The following PRKCE variants were observed in gnomAD, a reference collection of about 807,000 sequenced individuals.
PRKCE encodes the protein protein kinase C epsilon type.
A neutral mutation model predicts 85.4 loss-of-function variants in PRKCE; 16 were observed. The ratio of observed to expected loss-of-function variants is 0.19; its 90% CI spans 0.13 to 0.28. PRKCE has a LOEUF of 0.28. Ranked by LOEUF, PRKCE falls within the 10% of genes least tolerant of loss-of-function variation. PRKCE has a pLI of 1.00. For missense variants in PRKCE, 573 were observed against 975.2 expected (o/e 0.59, Z 5.49); for synonymous variants, 388 against 371.5 (o/e 1.04, Z -0.51).
intron 2 of PRKCE, among the ~76,000 whole-genome samples, chr2:45,868,139 TAAAAACAAACAAACAAACA>T (rs764694650): frequency 6.0e-4 from 90 of 151,158 alleles, no homozygotes; most frequent in Non-Finnish European, 1.2e-3. Flanking sequence ...TGCAAAGTTT[TAAAAACAAACAAACAAACA>T]AAAAACAAAC....
At chr2:45,945,370 G>A (rs752940654) in intron 2 of PRKCE, among the ~76,000 whole-genome samples, 8 of 151,402 alleles carry the variant, frequency 5.3e-5, no homozygotes, top group East Asian at 1.9e-4. Context: ...AAGCAAGAGC[G>A]GGGAGGTGTC....
intron 11 of PRKCE, among the ~76,000 whole-genome samples, chr2:46,133,911 G>T (rs1245721219): frequency 6.6e-6 from 1 of 152,140 alleles, no homozygotes; most frequent in African/African-American, 2.4e-5. Context: ...GTAGTGAGGG[G>T]CTGCTTCAGG....
At position 46,143,791 on chromosome 2, in the gene PRKCE, A is replaced by G. The variant is rs549097847; in HGVS notation, c.1593-1302A>G. 4.5e-4 allele frequency among the ~76,000 whole-genome samples: 68 copies of G among 152,304 alleles called. 1 individual carries two copies. The highest frequency in any genetic ancestry group is 1.5e-3 in the South Asian group (7 of 4,824). On this transcript the variant is annotated intron_variant, in intron 11 of 14. Transcript: ENST00000306156. ...TTCATGAGCATTTGCTTACAGCAGC[A>G]TATTTTATATGCTCTTTTTTCTCAA...
intron 10 of PRKCE, among the ~76,000 whole-genome samples, chr2:46,022,140 C>T (rs1706723861): frequency 6.6e-6 from 1 of 152,142 alleles, no homozygotes; most frequent in Non-Finnish European, 1.5e-5. Flanking sequence ...ACACAGGATG[C>T]AGTAAAGAAG....
At chr2:45,958,940 G>T (rs1384265462) in intron 2 of PRKCE, among the ~76,000 whole-genome samples, 2 of 145,684 alleles carry the variant, frequency 1.4e-5, no homozygotes, top group African/African-American at 5.1e-5. Context: ...CTCTAGAAAG[G>T]TCTTCAGGCT....
At chr2:45,831,058 G>C (rs1476518984) in intron 1 of PRKCE, among the ~76,000 whole-genome samples, 2 of 152,222 alleles carry the variant, frequency 1.3e-5, no homozygotes, top group Admixed American at 6.5e-5. Context: ...AGGGAGAATA[G>C]GACAGTGGGG....
chr2:45,697,842 G>C lies in PRKCE; in HGVS notation c.348+45394G>C. ...GGATTAGCACCTAGGGATTCTTGCAGGCAGGTGGAATTTATCCCCAGATTC... is the reference window on the plus strand; with the variant it reads ...GGATTAGCACCTAGGGATTCTTGCACGCAGGTGGAATTTATCCCCAGATTC... On this transcript the variant is annotated intron_variant, in intron 1 of 14. Transcript: ENST00000306156. This position sits in a 1 kb window ranked among gnomAD's most constrained non-coding sequence, Gnocchi z 4.2. 6.6e-6 allele frequency: 1 copy of C among 152,630 alleles called. No homozygotes were observed. Among genetic ancestry groups the C allele is most frequent in the African/African-American group, 2.4e-5 (1 of 41,430 alleles). 9.5% of individuals were successfully genotyped at this position (152,630 alleles called of 1,614,324 possible). A position where few individuals can be genotyped will look rare whatever the true frequency, so the allele number is the denominator to read the frequency against.
At chr2:45,689,151 G>T (rs892281185) in intron 1 of PRKCE, among the ~76,000 whole-genome samples, 1 of 152,180 alleles carries the variant, frequency 6.6e-6, no homozygotes, top group African/African-American at 2.4e-5. Context: ...AAGAAGGGAG[G>T]GACTTAAGCA....
At chr2:45,927,536 C>T (rs530297387) in intron 2 of PRKCE, among the ~76,000 whole-genome samples, 10 of 152,308 alleles carry the variant, frequency 6.6e-5, no homozygotes, top group Admixed American at 4.6e-4. Context: ...AACTGCCTAC[C>T]GTGCCCCAGG....
chr2:45,718,442 T>G (rs1680333163), intron 1 of PRKCE, among the ~76,000 whole-genome samples: 1 of 146,818 alleles, frequency 6.8e-6, no homozygotes, highest in African/African-American at 2.5e-5. Flanking sequence ...CCTCCCAGGT[T>G]CAAGCGAGTC....
At chr2:46,096,438 A>T (rs1670686382) in intron 11 of PRKCE, among the ~76,000 whole-genome samples, 1 of 152,168 alleles carries the variant, frequency 6.6e-6, no homozygotes, top group African/African-American at 2.4e-5. Context: ...CCCCAGTACC[A>T]CAGAATGTGA....
chr2:45,912,606 G>T (rs1174010588), intron 2 of PRKCE, among the ~76,000 whole-genome samples: 1 of 152,268 alleles, frequency 6.6e-6, no homozygotes, highest in East Asian at 1.9e-4. Flanking sequence ...AGGCTGGAAG[G>T]AGCCAACCTG....
chr2:45,783,561 A>G (rs1210243725), intron 1 of PRKCE, among the ~76,000 whole-genome samples: 2 of 152,180 alleles, frequency 1.3e-5, no homozygotes, highest in Non-Finnish European at 2.9e-5. Context: ...TTTATACCTT[A>G]TGTTCACCTT....
intron 1 of PRKCE, among the ~76,000 whole-genome samples, chr2:45,728,697 C>G (rs1383770423): frequency 6.6e-6 from 1 of 152,216 alleles, no homozygotes; most frequent in African/African-American, 2.4e-5. Context: ...TGAGGTCTGT[C>G]TTCACCAGTT....
intron 11 of PRKCE, among the ~76,000 whole-genome samples, chr2:46,095,931 A>G (rs1039448274): frequency 6.6e-6 from 1 of 152,248 alleles, no homozygotes; most frequent in Non-Finnish European, 1.5e-5. Flanking sequence ...CATGTTACTT[A>G]TTGAGTCATC....
At chr2:46,085,755 G>GTTTTTTT (rs869284473) in intron 10 of PRKCE, among the ~76,000 whole-genome samples, 1 of 21,562 alleles carries the variant, frequency 4.6e-5, no homozygotes, top group African/African-American at 1.6e-4. Flanking sequence ...TTTTGTTTTT[G>GTTTTTTT]TTTTTTTTTT....
At chr2:45,925,809 G>GA (rs1558842132) in intron 2 of PRKCE, among the ~76,000 whole-genome samples, 2 of 152,208 alleles carry the variant, frequency 1.3e-5, no homozygotes, top group African/African-American at 4.8e-5. Flanking sequence ...TTCAATCATC[G>GA]TGGGCTGGGC....
chr2:46,010,821 C>T, intron 10 of PRKCE: 3 of 1,565,302 alleles, frequency 1.9e-6, no homozygotes, highest in Non-Finnish European at 2.6e-6. Context: ...TGTGGTTAGT[C>T]CTTGCTCTGC....
At chr2:45,881,822 C>G (rs1694911496) in intron 2 of PRKCE, among the ~76,000 whole-genome samples, 1 of 152,216 alleles carries the variant, frequency 6.6e-6, no homozygotes, top group Admixed American at 6.5e-5. Flanking sequence ...TGAATTTTAA[C>G]TAGCTGCCCA....
Sources: gnomAD v4.1 joint callset for allele counts (sites outside exome capture counted in the v4.1 genomes callset) on GRCh38, gnomAD v4.1.1 for gene constraint, Gnocchi (gnomAD v3.1) non-coding constraint, MANE v1.5 for transcripts, NCBI Gene and HGNC (gene_info 2026-07-23, HGNC 2026-07-21) for gene names.